ZDHHC14: variants seen among roughly 807,000 people sequenced by gnomAD.
ZDHHC14 encodes the protein zDHHC palmitoyltransferase 14, also known as palmitoyltransferase ZDHHC14.
Under a neutral mutation model 47.7 loss-of-function variants are expected in ZDHHC14, and 16 were observed. The observed-to-expected ratio is 0.34, with a 90% CI of 0.23 to 0.51. ZDHHC14 has a LOEUF of 0.51. Ranked by LOEUF, ZDHHC14 falls within the 20% of genes least tolerant of loss-of-function variation. ZDHHC14 has a pLI of 0.97. For synonymous variants in ZDHHC14, 293 were observed against 278.9 expected, an observed-to-expected ratio of 1.05 and a Z score of -0.50; for missense variants, 515 against 662.5, an observed-to-expected ratio of 0.78 and a Z score of 2.44.
At chr6:157,436,598 AG>A (rs35523004) in intron 1 of ZDHHC14, among the ~76,000 whole-genome samples, 7 of 142,840 alleles carry the variant, frequency 4.9e-5, no homozygotes, top group African/African-American at 1.6e-4. Flanking sequence ...GGGCGGGTAA[AG>A]GGGGGTTGCA....
intron 3 of ZDHHC14, 102 bp from the exon 4 acceptor site, chr6:157,628,247 A>G: frequency 8.5e-7 from 1 of 1,172,246 alleles, no homozygotes; most frequent in Non-Finnish European, 1.2e-6. Flanking sequence ...TCATTGTGTT[A>G]TACTATCAGA....
chr6:157,639,308 TTTG>T (rs369990564), intron 5 of ZDHHC14, among the ~76,000 whole-genome samples: 32 of 152,056 alleles, frequency 2.1e-4, no homozygotes, highest in African/African-American at 5.1e-4. Context: ...ATTTTTTTCT[TTTG>T]TTGTTGTTGT....
chr6:157,617,029 A>C (rs146818475), intron 3 of ZDHHC14, among the ~76,000 whole-genome samples: 4,833 of 152,224 alleles, frequency 0.032, 277 homozygotes, highest in African/African-American at 0.11. Context: ...GCCAAGCACC[A>C]TCGTGAATAT....
intron 3 of ZDHHC14, among the ~76,000 whole-genome samples, chr6:157,595,383 G>A (rs989382760): frequency 6.6e-6 from 1 of 151,628 alleles, no homozygotes; most frequent in African/African-American, 2.4e-5. Context: ...TCTTAGAGAC[G>A]AGGTTTCACC....
At chr6:157,643,901 T>C (rs1380893760) in intron 5 of ZDHHC14, among the ~76,000 whole-genome samples, 1 of 151,924 alleles carries the variant, frequency 6.6e-6, no homozygotes, top group Non-Finnish European at 1.5e-5. Context: ...CGTAAACTCT[T>C]GGTGACACAT....
intron 1 of ZDHHC14, among the ~76,000 whole-genome samples, chr6:157,518,636 A>T (rs1316216108): frequency 1.1e-5 from 1 of 89,908 alleles, no homozygotes; most frequent in African/African-American, 4.3e-5. Context: ...CGCCTTTCCC[A>T]CCCTCCCTCC....
intron 1 of ZDHHC14, among the ~76,000 whole-genome samples, chr6:157,438,260 G>C (rs528592276): frequency 1.3e-5 from 2 of 152,174 alleles, no homozygotes; most frequent in Non-Finnish European, 2.9e-5. Context: ...AAGCATTTAA[G>C]GTAAGAATGC....
chr6:157,571,485 C>G (rs548283780), intron 2 of ZDHHC14, among the ~76,000 whole-genome samples: 185 of 152,326 alleles, frequency 1.2e-3, no homozygotes, highest in Non-Finnish European at 2.2e-3. Context: ...AGTTTAAACA[C>G]CTGGCCTGGC....
At chr6:157,621,732 C>T (rs540583416) in intron 3 of ZDHHC14, among the ~76,000 whole-genome samples, 1 of 152,306 alleles carries the variant, frequency 6.6e-6, no homozygotes, top group East Asian at 1.9e-4. Context: ...CCAAACATTT[C>T]GTTCGATCTC....
In ZDHHC14 at chr6:157,628,514, G is replaced by A. The variant is rs200145197; in HGVS notation, c.703+28G>A. 2.1e-5 allele frequency: 34 copies of A among 1,592,122 alleles called. No homozygotes were observed. In the East Asian group the frequency reaches 6.7e-4, roughly 32 times the overall value. On this transcript the variant is annotated intron_variant, in intron 4 of 8. Transcript: ENST00000359775. ...AAGTATGCTGGCGAAATCAGATTAC[G>A]TATGTAACCATTTGCCTGACTTTGA...
chr6:157,544,526 G>A (rs924181960), intron 2 of ZDHHC14, among the ~76,000 whole-genome samples: 2 of 152,252 alleles, frequency 1.3e-5, no homozygotes, highest in East Asian at 1.9e-4. Context: ...GTGCGAGCCT[G>A]TAGTCCTAGC....
intron 3 of ZDHHC14, among the ~76,000 whole-genome samples, chr6:157,600,980 G>C (rs1376172333): frequency 6.6e-6 from 1 of 152,214 alleles, no homozygotes; most frequent in Non-Finnish European, 1.5e-5. Flanking sequence ...GGAGGCCTGG[G>C]TGCCGTTTCG....
intron 2 of ZDHHC14, among the ~76,000 whole-genome samples, chr6:157,576,293 A>T (rs1397971935): frequency 6.6e-6 from 1 of 152,228 alleles, no homozygotes; most frequent in Non-Finnish European, 1.5e-5. Context: ...TTATTAAGAA[A>T]ATTTCACATT....
chr6:157,593,276 T>TGA (rs1783989839), intron 3 of ZDHHC14, 130 bp downstream of exon 3: 8 of 1,206,134 alleles, frequency 6.6e-6, no homozygotes, highest in Non-Finnish European at 9.2e-6. Context: ...TGCCACTGAT[T>TGA]GAGTTCACCG....
intron 1 of ZDHHC14, among the ~76,000 whole-genome samples, chr6:157,465,105 C>CTTTTTTTTTTTTTTTTTTTTTTTCT (rs772080368): frequency 2.0e-5 from 2 of 102,010 alleles, no homozygotes; most frequent in Non-Finnish European, 3.8e-5. Flanking sequence ...TCTCTTTCTC[C>CTTTTTTTTTTTTTTTTTTTTTTTCT]TTTTTTTTTT....
At chr6:157,520,078 C>G (rs1780860866) in intron 1 of ZDHHC14, among the ~76,000 whole-genome samples, 2 of 152,304 alleles carry the variant, frequency 1.3e-5, no homozygotes, top group Middle Eastern at 3.4e-3. Flanking sequence ...CAGGGTGCCC[C>G]CCAGATCTAA....
At chr6:157,452,828 G>T (rs1367902050) in intron 1 of ZDHHC14, among the ~76,000 whole-genome samples, 2 of 148,884 alleles carry the variant, frequency 1.3e-5, no homozygotes, top group African/African-American at 5.0e-5. Flanking sequence ...TCCATCTCCC[G>T]AGTAGCTGGG....
chr6:157,608,122 A>G (rs1784612135), intron 3 of ZDHHC14, among the ~76,000 whole-genome samples: 1 of 152,220 alleles, frequency 6.6e-6, no homozygotes, highest in African/African-American at 2.4e-5. Context: ...GCTCATGCTG[A>G]CACTTCGCTG....
chr6:157,467,243 A>G (rs1430396957), intron 1 of ZDHHC14, among the ~76,000 whole-genome samples: 1 of 152,196 alleles, frequency 6.6e-6, no homozygotes, highest in African/African-American at 2.4e-5. Flanking sequence ...GAGTTGTACA[A>G]CTATCACTCT....
Sources: gnomAD v4.1 joint callset for allele counts (sites outside exome capture counted in the v4.1 genomes callset) on GRCh38, gnomAD v4.1.1 for gene constraint, MANE v1.5 for transcripts, NCBI Gene and HGNC (gene_info 2026-07-23, HGNC 2026-07-21) for gene names.